The following GRK3 variants were observed in gnomAD, a reference collection of about 807,000 sequenced individuals.
GRK3 encodes G protein-coupled receptor kinase 3.
In GRK3, 54 loss-of-function variants were observed where a neutral mutation model predicts 95.7. The observed-to-expected ratio is 0.56, with a 90% CI of 0.45 to 0.71. The LOEUF is 0.71. GRK3 is among the 30% of genes least tolerant of loss of function. The pLI, the probability that GRK3 is intolerant of heterozygous loss-of-function variation, is 0.00. For missense variants in GRK3, 649 were observed against 851.2 expected (o/e 0.76, Z 2.96); for synonymous variants, 281 against 290.8 (o/e 0.97, Z 0.34).
At chr22:25,590,222 C>G (rs955283562) in intron 1 of GRK3, among the ~76,000 whole-genome samples, 37 of 151,760 alleles carry the variant, frequency 2.4e-4, no homozygotes, top group African/African-American at 8.9e-4. Flanking sequence ...TTTCAGAATA[C>G]AAAAGTGAAA....
intron 11 of GRK3, among the ~76,000 whole-genome samples, chr22:25,688,691 A>G (rs2085141511): frequency 1.3e-5 from 2 of 152,182 alleles, no homozygotes; most frequent in South Asian, 4.1e-4. Context: ...CCATTCCAGA[A>G]CGCGGTGCTT....
chr22:25,681,538 T>C (rs1229178618), intron 9 of GRK3, among the ~76,000 whole-genome samples: 1 of 151,680 alleles, frequency 6.6e-6, no homozygotes, highest in Non-Finnish European at 1.5e-5. Flanking sequence ...GAGAGAGACA[T>C]GAAGGCCAGG....
In GRK3 at chr22:25,581,464, G is replaced by A. The variant is rs144461324; in HGVS notation, c.113+16311G>A. 122 of 152,310 alleles carry A rather than the reference G, an allele frequency of 8.0e-4. 1 individual carries two copies. Among genetic ancestry groups the A allele is most frequent in the African/African-American group, 2.9e-3 (119 of 41,554 alleles). The allele number at this position is 152,310 out of a possible 1,614,324, so 9.4% of individuals were successfully genotyped here. ...TGCATCTCAAACAACTTAGATTGACGGGAGGATGATGTGTTTTTTGGAAAC... is the reference window on the plus strand; with the variant it reads ...TGCATCTCAAACAACTTAGATTGACAGGAGGATGATGTGTTTTTTGGAAAC... On this transcript the variant is annotated intron_variant, in intron 1 of 20. Transcript: ENST00000324198.
intron 20 of GRK3, 133 bp downstream of exon 20, chr22:25,721,530 A>G: frequency 1.7e-6 from 1 of 574,482 alleles, no homozygotes; most frequent in Non-Finnish European, 3.1e-6. Context: ...CCCAAGGTAC[A>G]AGGTTTTCAG....
In GRK3 at chr22:25,571,137, G is replaced by C. The variant is rs117145519; in HGVS notation, c.113+5984G>C. The stretch of plus-strand genomic sequence containing the variant: ...AGAAAAAGATGCTAATGTGAAAATA[G>C]CCAGCCCAGACCTCCATCCTTAGTG... On this transcript the variant is annotated intron_variant, in intron 1 of 20. Transcript: ENST00000324198. Among the ~76,000 whole-genome samples the C allele has an allele frequency of 5.4e-3, 824 of 152,216 alleles. 4 individuals are homozygous for C. The highest frequency in any genetic ancestry group is 0.037 in the East Asian group (193 of 5,188).
chr22:25,707,906 C>T (rs2085312510), intron 15 of GRK3, among the ~76,000 whole-genome samples: 1 of 152,070 alleles, frequency 6.6e-6, no homozygotes, highest in Non-Finnish European at 1.5e-5. Flanking sequence ...TCTATCATCC[C>T]TTCCCTGCCC....
chr22:25,588,835 C>A (rs1255777707), intron 1 of GRK3, among the ~76,000 whole-genome samples: 1 of 148,390 alleles, frequency 6.7e-6, no homozygotes, highest in African/African-American at 2.5e-5. Flanking sequence ...GTGGTAAGAT[C>A]ATAGCTCACT....
chr22:25,650,274 C>T (rs12160066), intron 3 of GRK3, among the ~76,000 whole-genome samples: 15,962 of 152,138 alleles, frequency 0.1, 2,707 homozygotes, highest in African/African-American at 0.36. Context: ...AACTCCTGAC[C>T]TCGTGATCCG....
chr22:25,595,387 A>G (rs2084365733), intron 1 of GRK3, among the ~76,000 whole-genome samples: 1 of 152,226 alleles, frequency 6.6e-6, no homozygotes, highest in Non-Finnish European at 1.5e-5. Context: ...CCAAATTAAA[A>G]TGCAGTCCCA....
At chr22:25,677,498 A>G (rs1478049282) in intron 8 of GRK3, among the ~76,000 whole-genome samples, 1 of 152,186 alleles carries the variant, frequency 6.6e-6, no homozygotes, top group Non-Finnish European at 1.5e-5. Flanking sequence ...AAATAAAAAT[A>G]AGATATTTGA....
intron 2 of GRK3, among the ~76,000 whole-genome samples, chr22:25,643,211 C>G (rs1205294356): frequency 6.6e-6 from 1 of 152,204 alleles, no homozygotes; most frequent in Non-Finnish European, 1.5e-5. Flanking sequence ...TTTCCTACTT[C>G]CTGCCTATGT....
At position 25,729,234 on chromosome 22, in the gene GRK3, C is replaced by T. The variant is rs935023123; in HGVS notation, c.*6784C>T. ...TTACAGTTACTTTGGAGCTGCTAGA[C>T]TGGTTTTCTGTGTTGGTAAATTGCC... On this transcript the variant is annotated 3_prime_UTR_variant, in exon 21 of 21. Transcript: ENST00000324198. 1 of 152,234 alleles carries T rather than the reference C, an allele frequency of 6.6e-6. No individual in the cohort carries two copies. The highest frequency in any genetic ancestry group is 1.9e-4 in the East Asian group (1 of 5,202). 9.4% of individuals were successfully genotyped at this position (152,234 alleles called of 1,614,324 possible).
intron 1 of GRK3, among the ~76,000 whole-genome samples, chr22:25,594,118 GTT>G (rs1232127477): frequency 1.3e-5 from 2 of 152,092 alleles, no homozygotes; most frequent in Non-Finnish European, 2.9e-5. Flanking sequence ...TCTTAGAATA[GTT>G]TTTACCCATC....
chr22:25,684,637 C>T (rs2085099092), intron 9 of GRK3: 1 of 152,176 alleles, frequency 6.6e-6, no homozygotes, highest in African/African-American at 2.4e-5. Context: ...AAATGTTGAC[C>T]AGCAAAAAGC....
chr22:25,643,590 G>A (rs954400769), intron 2 of GRK3, among the ~76,000 whole-genome samples: 3 of 152,124 alleles, frequency 2.0e-5, no homozygotes, highest in African/African-American at 4.8e-5. Context: ...CGAACTCTCC[G>A]TTTAATTGTT....
At chr22:25,604,015 G>A (rs751861703) in intron 1 of GRK3, among the ~76,000 whole-genome samples, 7 of 152,166 alleles carry the variant, frequency 4.6e-5, no homozygotes, top group Non-Finnish European at 8.8e-5. Context: ...TGGTGGGGGG[G>A]CACAGGCATG....
At chr22:25,596,280 A>C (rs1197000258) in intron 1 of GRK3, among the ~76,000 whole-genome samples, 4 of 152,220 alleles carry the variant, frequency 2.6e-5, no homozygotes, top group African/African-American at 9.6e-5. Flanking sequence ...GAATCAAATA[A>C]ATGAGGGCTT....
At chr22:25,639,608 G>T (rs981242872) in intron 2 of GRK3, among the ~76,000 whole-genome samples, 14 of 152,216 alleles carry the variant, frequency 9.2e-5, no homozygotes, top group Non-Finnish European at 1.9e-4. Context: ...TTAAGGCTTT[G>T]AACTTTGTTC....
At chr22:25,680,533 A>G (rs537018702) in intron 9 of GRK3, among the ~76,000 whole-genome samples, 1 of 152,348 alleles carries the variant, frequency 6.6e-6, no homozygotes, top group South Asian at 2.1e-4. Flanking sequence ...AAACATAAGT[A>G]TAGTTTTCAT....
Sources: allele counts gnomAD v4.1 joint callset (sites outside exome capture counted in the v4.1 genomes callset), GRCh38; gene constraint gnomAD v4.1.1; transcripts MANE v1.5; gene names NCBI Gene and HGNC (gene_info 2026-07-23, HGNC 2026-07-21).